WDR72: variants seen among roughly 807,000 people sequenced by gnomAD.
WDR72 encodes the protein WD repeat-containing protein 72.
In WDR72, 120 loss-of-function variants were observed where a neutral mutation model predicts 124.2. That is an observed-to-expected ratio of 0.97 (90% confidence interval 0.83 to 1.12). The LOEUF (loss-of-function observed/expected upper bound fraction) is 1.12, where lower values mean the gene tolerates loss of function less well. Among genes scored for constraint, WDR72 ranks in the 50% most tolerant of loss-of-function variants. The pLI is 0.00. For synonymous variants in WDR72, 452 were observed against 441.7 expected (o/e 1.02, Z -0.29); for missense variants, 1,387 against 1,278.8 (o/e 1.08, Z -1.29).
intron 14 of WDR72, among the ~76,000 whole-genome samples, chr15:53,630,892 C>T (rs1177785090): frequency 6.6e-6 from 1 of 151,880 alleles, no homozygotes. Flanking sequence ...TAAGAGGCAT[C>T]CAGATTAGAA....
chr15:53,697,952 G>A (rs2017054652), intron 13 of WDR72, among the ~76,000 whole-genome samples: 1 of 152,128 alleles, frequency 6.6e-6, no homozygotes, highest in Non-Finnish European at 1.5e-5. Context: ...GGGACTACAG[G>A]TGCCCGCCAC....
At chr15:53,543,019 A>C (rs1469045514) in intron 18 of WDR72, among the ~76,000 whole-genome samples, 7 of 151,462 alleles carry the variant, frequency 4.6e-5, no homozygotes, top group Non-Finnish European at 1.0e-4. Context: ...CTACAAAGAG[A>C]CTTAGACTCC....
chr15:53,731,898 C>T (rs2018213208), intron 2 of WDR72, among the ~76,000 whole-genome samples: 1 of 152,068 alleles, frequency 6.6e-6, no homozygotes, highest in Non-Finnish European at 1.5e-5. Flanking sequence ...TATGAAGATG[C>T]TAGAATTCCA....
intron 13 of WDR72, among the ~76,000 whole-genome samples, chr15:53,667,510 G>A (rs1162584155): frequency 6.6e-6 from 1 of 152,102 alleles, no homozygotes; most frequent in Non-Finnish European, 1.5e-5. Context: ...AAATGAAGCT[G>A]ACAGCAACAT....
At chr15:53,576,362 T>C (rs1242092151) in intron 18 of WDR72, among the ~76,000 whole-genome samples, 2 of 152,112 alleles carry the variant, frequency 1.3e-5, no homozygotes, top group Non-Finnish European at 2.9e-5. Flanking sequence ...ATTCTGAAAT[T>C]AAGTTTTAAG....
intron 18 of WDR72, among the ~76,000 whole-genome samples, chr15:53,581,131 A>G (rs930110721): frequency 6.6e-6 from 1 of 152,056 alleles, no homozygotes; most frequent in African/African-American, 2.4e-5. Flanking sequence ...TATATTTATG[A>G]ATGTATCATT....
At chr15:53,542,888 A>C (rs1289779171) in intron 18 of WDR72, among the ~76,000 whole-genome samples, 1 of 142,544 alleles carries the variant, frequency 7.0e-6, no homozygotes, top group African/African-American at 2.6e-5. Flanking sequence ...AGATCAAAAG[A>C]GACAAAGAAG....
chr15:53,746,431 A>G (rs115460715), intron 1 of WDR72, among the ~76,000 whole-genome samples: 2,028 of 152,318 alleles, frequency 0.013, 51 homozygotes, highest in African/African-American at 0.047. Context: ...CACAAAGGAT[A>G]AAGTTCCTGG....
chr15:53,682,879 T>C (rs911582371), intron 13 of WDR72, among the ~76,000 whole-genome samples: 2 of 152,172 alleles, frequency 1.3e-5, no homozygotes, highest in African/African-American at 4.8e-5. Flanking sequence ...GTTTTCACAC[T>C]GCTATAAAGA....
intron 1 of WDR72, among the ~76,000 whole-genome samples, chr15:53,740,226 G>A (rs1354773020): frequency 6.6e-6 from 1 of 151,932 alleles, no homozygotes; most frequent in African/African-American, 2.4e-5. Context: ...CAAGGATAGA[G>A]ATCAGTCCTT....
chr15:53,608,888 T>C (rs1047314057), intron 17 of WDR72, among the ~76,000 whole-genome samples: 2 of 151,988 alleles, frequency 1.3e-5, no homozygotes, highest in Admixed American at 6.6e-5. Flanking sequence ...GGATGATTAA[T>C]AGGTGCCAAA....
intron 9 of WDR72, 63 bp downstream of exon 9, chr15:53,710,794 G>C (rs936535650): frequency 8.3e-6 from 11 of 1,328,176 alleles, no homozygotes; most frequent in Admixed American, 1.7e-5. Context: ...GACAGACAAA[G>C]CAACACTTAT....
chr15:53,613,443 TATAA>T (rs1428582382), intron 16 of WDR72, among the ~76,000 whole-genome samples: 2 of 152,118 alleles, frequency 1.3e-5, no homozygotes, highest in East Asian at 3.9e-4. Flanking sequence ...TTAAATGTTT[TATAA>T]ATGTCACCCA....
chr15:53,736,793 A>G (rs1022614299), intron 1 of WDR72, among the ~76,000 whole-genome samples: 1 of 152,204 alleles, frequency 6.6e-6, no homozygotes, highest in Non-Finnish European at 1.5e-5. Context: ...GCATCCACAC[A>G]GAGGACAGGG....
chr15:53,741,416 T>G (rs1288155357), intron 1 of WDR72, among the ~76,000 whole-genome samples: 1 of 152,174 alleles, frequency 6.6e-6, no homozygotes, highest in East Asian at 1.9e-4. Context: ...TAGTGCAACA[T>G]ACCTGAAATT....
At chr15:53,560,725 G>C (rs540578521) in intron 18 of WDR72, among the ~76,000 whole-genome samples, 1 of 151,886 alleles carries the variant, frequency 6.6e-6, no homozygotes, top group East Asian at 1.9e-4. Context: ...TTTTGCTAAG[G>C]AGTTTAACAG....
chr15:53,530,475 T>C (rs529992514), intron 18 of WDR72, among the ~76,000 whole-genome samples: 11 of 151,910 alleles, frequency 7.2e-5, no homozygotes, highest in Non-Finnish European at 1.5e-4. Context: ...CCAAATCCTA[T>C]GGTAAATACA....
intron 18 of WDR72, among the ~76,000 whole-genome samples, chr15:53,565,337 A>G (rs1894257627): frequency 6.6e-6 from 1 of 151,878 alleles, no homozygotes; most frequent in Admixed American, 6.6e-5. Context: ...GTGCACAGAA[A>G]AAAAGTGTGT....
At chr15:53,709,464 T>G (rs2017473485) in intron 9 of WDR72, among the ~76,000 whole-genome samples, 8 of 152,210 alleles carry the variant, frequency 5.3e-5, no homozygotes, top group Admixed American at 5.2e-4. Context: ...ATTGTTGTAT[T>G]CTTTCCTCAT....
Sources: allele counts gnomAD v4.1 joint callset (sites outside exome capture counted in the v4.1 genomes callset), GRCh38; gene constraint gnomAD v4.1.1; transcripts MANE v1.5; gene names NCBI Gene and HGNC (gene_info 2026-07-23, HGNC 2026-07-21).